Variants in UNC5D observed in about 807,000 individuals in gnomAD.
UNC5D encodes unc-5 netrin receptor D, also known as netrin receptor UNC5D.
UNC5D carries 39 observed loss-of-function variants against 105.4 expected under a neutral mutation model. The observed-to-expected ratio is 0.37, with a 90% CI of 0.29 to 0.48. The LOEUF (loss-of-function observed/expected upper bound fraction) is 0.48. Among genes scored for constraint, UNC5D ranks in the 20% least tolerant of loss-of-function variants. The probability of loss-of-function intolerance (pLI) is 0.98; values close to 1 mark genes in which losing one functional copy is unlikely to be tolerated. For missense variants in UNC5D, 991 were observed against 1,202.4 expected (o/e 0.82, Z 2.60); for synonymous variants, 452 against 450.4 (o/e 1.00, Z -0.04).
chr8:35,509,265 G>T (rs1000658165), intron 1 of UNC5D, among the ~76,000 whole-genome samples: 1 of 151,750 alleles, frequency 6.6e-6, no homozygotes, highest in Non-Finnish European at 1.5e-5. Flanking sequence ...TTCATTTCCT[G>T]TGCACCAATC....
chr8:35,360,502 G>A (rs1360743649), intron 1 of UNC5D, among the ~76,000 whole-genome samples: 7 of 152,034 alleles, frequency 4.6e-5, no homozygotes, highest in Admixed American at 6.6e-5. Flanking sequence ...TGCACAGCTC[G>A]GCATATTCTC....
intron 1 of UNC5D, among the ~76,000 whole-genome samples, chr8:35,510,472 T>C (rs1461275555): frequency 1.3e-5 from 2 of 152,226 alleles, no homozygotes; most frequent in Admixed American, 6.5e-5. Context: ...TTTGCACCTG[T>C]GATCAGTTAT....
intron 2 of UNC5D, among the ~76,000 whole-genome samples, chr8:35,555,873 C>T (rs1816506368): frequency 8.6e-6 from 1 of 116,386 alleles, no homozygotes; most frequent in Non-Finnish European, 1.8e-5. Context: ...TATAAAAAAA[C>T]AGCACACACA....
chr8:35,369,747 C>T (rs977866922), intron 1 of UNC5D, among the ~76,000 whole-genome samples: 2 of 152,096 alleles, frequency 1.3e-5, no homozygotes, highest in Non-Finnish European at 2.9e-5. Flanking sequence ...CTGTTTTTGT[C>T]TTTACTTCCC....
At position 35,714,839 on chromosome 8, in the gene UNC5D, T is replaced by C. The variant is rs150202974; in HGVS notation, c.1118-7371T>C. 1.1e-3 allele frequency among the ~76,000 whole-genome samples: 175 copies of C among 152,294 alleles called. 1 individual carries two copies. The highest frequency in any genetic ancestry group is 6.4e-3 in the South Asian group (31 of 4,822). Reference sequence around the variant, plus strand: ...AATAAGTGATCATGCAACCTGAGTATGGGCTAGGCAAATGAAAAAGGAATG... The same window carrying C: ...AATAAGTGATCATGCAACCTGAGTACGGGCTAGGCAAATGAAAAAGGAATG... On this transcript the variant is annotated intron_variant, in intron 8 of 16. Transcript: ENST00000404895.
At chr8:35,398,755 G>T (rs552406115) in intron 1 of UNC5D, among the ~76,000 whole-genome samples, 12 of 152,184 alleles carry the variant, frequency 7.9e-5, no homozygotes, top group African/African-American at 2.9e-4. Context: ...TCAGGCTTGT[G>T]GTTTTGTTAG....
intron 1 of UNC5D, among the ~76,000 whole-genome samples, chr8:35,284,233 G>T (rs1186939979): frequency 6.6e-6 from 1 of 152,172 alleles, no homozygotes; most frequent in Non-Finnish European, 1.5e-5. Flanking sequence ...GGGGGCATAA[G>T]CAACTTTTAT....
intron 1 of UNC5D, among the ~76,000 whole-genome samples, chr8:35,397,495 C>A (rs1219354986): frequency 6.6e-6 from 1 of 152,186 alleles, no homozygotes. Flanking sequence ...CAATTTACAA[C>A]CTTCTCAACT....
intron 1 of UNC5D, among the ~76,000 whole-genome samples, chr8:35,309,747 T>G (rs1432904524): frequency 1.3e-5 from 2 of 152,180 alleles, no homozygotes; most frequent in Non-Finnish European, 1.5e-5. Context: ...GATGTAAGCC[T>G]CTCATAGGGA....
chr8:35,619,381 C>G (rs1821219012), intron 4 of UNC5D, among the ~76,000 whole-genome samples: 3 of 152,084 alleles, frequency 2.0e-5, no homozygotes, highest in Non-Finnish European at 4.4e-5. Context: ...CCAGGAAGTT[C>G]AATTAGTTTC....
intron 1 of UNC5D, among the ~76,000 whole-genome samples, chr8:35,337,158 CTT>C (rs1055980074): frequency 1.3e-5 from 2 of 152,034 alleles, no homozygotes; most frequent in African/African-American, 4.8e-5. Flanking sequence ...TTAATTTTGT[CTT>C]TTTCAAATAT....
intron 4 of UNC5D, among the ~76,000 whole-genome samples, chr8:35,633,929 G>T (rs1284110895): frequency 6.6e-6 from 1 of 152,204 alleles, no homozygotes; most frequent in Non-Finnish European, 1.5e-5. Flanking sequence ...AAAGGAATGC[G>T]AAAGATATAA....
chr8:35,271,442 T>G (rs1370281895), intron 1 of UNC5D, among the ~76,000 whole-genome samples: 2 of 141,990 alleles, frequency 1.4e-5, no homozygotes, highest in African/African-American at 5.1e-5. Context: ...TGTATGTATA[T>G]GTATACACAC....
Position 35,410,566 on chromosome 8 carries a change from A to T in UNC5D, c.104-138726A>T, listed in dbSNP as rs149937011. On this transcript the variant is annotated intron_variant, in intron 1 of 16. Coordinates refer to ENST00000404895, the MANE Select transcript of UNC5D (RefSeq NM_080872.4). ...TTGTGGAATAGAAAGAATGCAAAGA[A>T]CATCTCTTTCAGTGATTATAAAATT... Among the ~76,000 whole-genome samples the T allele has an allele frequency of 5.3e-3, 807 of 152,232 alleles. 3 individuals are homozygous for T. Among genetic ancestry groups the T allele is most frequent in the Middle Eastern group, 0.014 (4 of 294 alleles).
intron 1 of UNC5D, among the ~76,000 whole-genome samples, chr8:35,279,156 T>C (rs1424720859): frequency 1.3e-5 from 2 of 152,218 alleles, no homozygotes; most frequent in Non-Finnish European, 2.9e-5. Context: ...CGGAGTATGC[T>C]GAATTCTAAT....
At chr8:35,615,052 C>A (rs1332938992) in intron 4 of UNC5D, among the ~76,000 whole-genome samples, 19 of 129,528 alleles carry the variant, frequency 1.5e-4, no homozygotes, top group Non-Finnish European at 1.7e-5. Flanking sequence ...CCCCCCCCGT[C>A]CCCCACCCCC....
chr8:35,545,998 G>A (rs915065063), intron 1 of UNC5D, among the ~76,000 whole-genome samples: 5 of 152,036 alleles, frequency 3.3e-5, no homozygotes, highest in African/African-American at 7.2e-5. Flanking sequence ...GAGCTCAAGC[G>A]AGCCTCCCAC....
chr8:35,328,390 T>C (rs997805343), intron 1 of UNC5D, among the ~76,000 whole-genome samples: 7 of 152,200 alleles, frequency 4.6e-5, no homozygotes, highest in African/African-American at 1.7e-4. Context: ...TTTCTGGTGC[T>C]ATTTGTATTT....
At chr8:35,336,702 C>A (rs1811069660) in intron 1 of UNC5D, among the ~76,000 whole-genome samples, 2 of 152,012 alleles carry the variant, frequency 1.3e-5, no homozygotes, top group South Asian at 4.1e-4. Flanking sequence ...ACATTTTTTT[C>A]CTTTCAAATG....
Sources: allele counts gnomAD v4.1 joint callset (sites outside exome capture counted in the v4.1 genomes callset), GRCh38; gene constraint gnomAD v4.1.1; transcripts MANE v1.5; gene names NCBI Gene and HGNC (gene_info 2026-07-23, HGNC 2026-07-21).